Variants in ASTN2 observed in about 807,000 individuals in gnomAD.
ASTN2 encodes the protein astrotactin-2.
ASTN2 carries 54 observed loss-of-function variants against 139.8 expected under a neutral mutation model. The observed-to-expected ratio is 0.39, with a 90% CI of 0.31 to 0.48. ASTN2 has a LOEUF of 0.48. Ranked by LOEUF, ASTN2 falls within the 20% of genes least tolerant of loss-of-function variation. The probability of loss-of-function intolerance (pLI) is 0.95; values close to 1 mark genes in which losing one functional copy is unlikely to be tolerated. For synonymous variants in ASTN2, 756 were observed against 719.5 expected, an observed-to-expected ratio of 1.05 and a Z score of -0.81; for missense variants, 1,565 against 1,725.1, an observed-to-expected ratio of 0.91 and a Z score of 1.64.
At chr9:117,111,902 G>A (rs13292656) in intron 4 of ASTN2, among the ~76,000 whole-genome samples, 16,469 of 151,714 alleles carry the variant, frequency 0.11, 1,099 homozygotes, top group Non-Finnish European at 0.16. Context: ...TAAGCACAAA[G>A]AATATACAAA....
chr9:116,593,718 C>T (rs1002402595), intron 19 of ASTN2, among the ~76,000 whole-genome samples: 3 of 152,196 alleles, frequency 2.0e-5, no homozygotes, highest in Non-Finnish European at 4.4e-5. Context: ...GGCTTTCATC[C>T]GCTTGACCAT....
At chr9:116,938,025 A>G (rs1835125526) in intron 10 of ASTN2, among the ~76,000 whole-genome samples, 1 of 152,190 alleles carries the variant, frequency 6.6e-6, no homozygotes, top group African/African-American at 2.4e-5. Flanking sequence ...TTCCATTTTT[A>G]CAGATGAGGA....
chr9:117,149,731 A>G (rs189427560), intron 3 of ASTN2, among the ~76,000 whole-genome samples: 5 of 152,318 alleles, frequency 3.3e-5, no homozygotes, highest in Admixed American at 3.3e-4. Flanking sequence ...AAAGAAAACA[A>G]CAAGCAACTA....
At chr9:117,229,368 G>C (rs900361281) in intron 2 of ASTN2, among the ~76,000 whole-genome samples, 2 of 152,110 alleles carry the variant, frequency 1.3e-5, no homozygotes, top group Non-Finnish European at 2.9e-5. Flanking sequence ...ACATTCCCTC[G>C]GGTTGTACAT....
chr9:117,366,176 G>A (rs892369928), intron 1 of ASTN2, among the ~76,000 whole-genome samples: 1 of 152,050 alleles, frequency 6.6e-6, no homozygotes, highest in African/African-American at 2.4e-5. Context: ...TTCCAAAACC[G>A]ATGACTTTCA....
chr9:117,218,930 G>A (rs1347649346), intron 2 of ASTN2, among the ~76,000 whole-genome samples: 1 of 152,168 alleles, frequency 6.6e-6, no homozygotes, highest in Non-Finnish European at 1.5e-5. Flanking sequence ...GTGAACTAAT[G>A]GACACGGGAT....
intron 4 of ASTN2, among the ~76,000 whole-genome samples, chr9:117,130,983 A>G (rs368157311): frequency 6.6e-6 from 1 of 152,324 alleles, no homozygotes; most frequent in East Asian, 1.9e-4. Flanking sequence ...GTATATCTCA[A>G]TCATGGGAAA....
intron 19 of ASTN2, among the ~76,000 whole-genome samples, chr9:116,595,346 G>A (rs1035425476): frequency 2.0e-5 from 3 of 149,366 alleles, no homozygotes; most frequent in Admixed American, 6.6e-5. Context: ...TGTTGTTGTT[G>A]AGACGGAGTC....
intron 16 of ASTN2, among the ~76,000 whole-genome samples, chr9:116,680,208 C>T (rs573060550): frequency 4.6e-5 from 7 of 152,208 alleles, no homozygotes; most frequent in Non-Finnish European, 7.4e-5. Flanking sequence ...ACCGATCCCA[C>T]GGAAATACAA....
intron 2 of ASTN2, among the ~76,000 whole-genome samples, chr9:117,255,620 C>T (rs1833664475): frequency 6.6e-6 from 1 of 152,124 alleles, no homozygotes; most frequent in Admixed American, 6.5e-5. Context: ...GGAGAGTCTT[C>T]CCCCCATCCC....
intron 10 of ASTN2, among the ~76,000 whole-genome samples, chr9:116,869,304 C>A (rs781600389): frequency 6.6e-6 from 1 of 152,190 alleles, no homozygotes; most frequent in Non-Finnish European, 1.5e-5. Context: ...AGGCCACGTT[C>A]TGAATTTCTG....
At chr9:116,873,631 T>C (rs921805747) in intron 10 of ASTN2, among the ~76,000 whole-genome samples, 2 of 152,218 alleles carry the variant, frequency 1.3e-5, no homozygotes, top group African/African-American at 2.4e-5. Flanking sequence ...ATTATCCCTG[T>C]TGATATGGTT....
At chr9:117,342,481 C>A (rs1829092792) in intron 1 of ASTN2, among the ~76,000 whole-genome samples, 1 of 152,172 alleles carries the variant, frequency 6.6e-6, no homozygotes, top group Non-Finnish European at 1.5e-5. Context: ...TGAGTCCTGC[C>A]TCTGAACCAT....
intron 20 of ASTN2, among the ~76,000 whole-genome samples, chr9:116,483,758 G>A (rs1274249390): frequency 6.6e-6 from 1 of 152,076 alleles, no homozygotes; most frequent in East Asian, 1.9e-4. Flanking sequence ...GAGAGGGGAT[G>A]AAAATAAATC....
chr9:116,733,590 G>A, intron 13 of ASTN2, 67 bp from the exon 14 acceptor site: 1 of 1,597,616 alleles, frequency 6.3e-7, no homozygotes, highest in South Asian at 1.1e-5. Flanking sequence ...ACAGGGCAAG[G>A]AGGCAGGATG....
At chr9:117,249,356 C>T (rs1466686080) in intron 2 of ASTN2, among the ~76,000 whole-genome samples, 2 of 152,192 alleles carry the variant, frequency 1.3e-5, no homozygotes, top group Non-Finnish European at 2.9e-5. Context: ...TCCCTGCAAC[C>T]TGTCCTCTTT....
intron 19 of ASTN2, among the ~76,000 whole-genome samples, chr9:116,616,591 T>C (rs1855866955): frequency 6.6e-6 from 1 of 152,156 alleles, no homozygotes; most frequent in African/African-American, 2.4e-5. Context: ...TTCATGATCA[T>C]TCTTAAGTTA....
chr9:117,059,398 G>A (rs1839171257), intron 5 of ASTN2, among the ~76,000 whole-genome samples: 1 of 152,076 alleles, frequency 6.6e-6, no homozygotes, highest in East Asian at 1.9e-4. Context: ...CGAATCACGA[G>A]GTCAGGAGTT....
At chr9:117,244,840 A>T (rs1328729286) in intron 2 of ASTN2, among the ~76,000 whole-genome samples, 2 of 152,076 alleles carry the variant, frequency 1.3e-5, no homozygotes, top group African/African-American at 2.4e-5. Flanking sequence ...TAGGTCCTTG[A>T]AGACACTGTG....
Sources: gnomAD v4.1 joint callset for allele counts (sites outside exome capture counted in the v4.1 genomes callset) on GRCh38, gnomAD v4.1.1 for gene constraint, MANE v1.5 for transcripts, NCBI Gene and HGNC (gene_info 2026-07-23, HGNC 2026-07-21) for gene names.